ITPRID2: variants seen among roughly 807,000 people sequenced by gnomAD.
ITPRID2 encodes the protein ITPR interacting domain containing 2, also known as protein ITPRID2.
In ITPRID2, 60 loss-of-function variants were observed where a neutral mutation model predicts 124.3. The ratio of observed to expected loss-of-function variants is 0.48; its 90% CI spans 0.39 to 0.60. The LOEUF (loss-of-function observed/expected upper bound fraction) is 0.60, where lower values mean the gene tolerates loss of function less well. Among genes scored for constraint, ITPRID2 ranks in the 20% least tolerant of loss-of-function variants. The pLI is 0.00. For synonymous variants in ITPRID2, 521 were observed against 542.9 expected, an observed-to-expected ratio of 0.96 and a Z score of 0.56; for missense variants, 1,553 against 1,512.2, an observed-to-expected ratio of 1.03 and a Z score of -0.45.
intron 6 of ITPRID2, among the ~76,000 whole-genome samples, chr2:181,900,273 A>G (rs901021924): frequency 6.6e-5 from 10 of 152,206 alleles, no homozygotes; most frequent in African/African-American, 2.4e-4. Flanking sequence ...TAGGACAAGG[A>G]TAACAGAAAA....
Position 181,920,650 on chromosome 2 carries a change from T to C in ITPRID2, c.3198T>C (p.Asn1066=), listed in dbSNP as rs747815002. The change falls in exon 15 of 18, where the codon AAT becomes AAC. Residue 1066 remains asparagine (N), a synonymous_variant. Transcript: ENST00000431877. The stretch of plus-strand genomic sequence containing the variant: ...ACTTGTCATGCCCTTCTCCATTGAA[T>C]GTAATGGAACCAGTAAGCTTCTTTC... ...ADNLSCPSPL[N]VMEPVTELMQ... is the part of the protein sequence containing the mutation. 3 of 1,613,210 alleles carry C rather than the reference T, an allele frequency of 1.9e-6. No individual in the cohort carries two copies. Among genetic ancestry groups the C allele is most frequent in the East Asian group, 2.2e-5 (1 of 44,822 alleles).
At chr2:181,913,634 T>C (rs957107126) in intron 9 of ITPRID2, among the ~76,000 whole-genome samples, 8 of 151,892 alleles carry the variant, frequency 5.3e-5, no homozygotes, top group Admixed American at 4.6e-4. Context: ...TCTGATACAG[T>C]TTTTGTTTGA....
chr2:181,921,349 G>C (rs1324586766), intron 15 of ITPRID2, among the ~76,000 whole-genome samples: 6 of 151,964 alleles, frequency 3.9e-5, no homozygotes. Context: ...ATGGTGGCAG[G>C]CATCTGTAAT....
chr2:181,900,432 G>A (rs575412552), intron 6 of ITPRID2, among the ~76,000 whole-genome samples: 4 of 152,272 alleles, frequency 2.6e-5, no homozygotes, highest in African/African-American at 4.8e-5. Flanking sequence ...GAGGAATCAC[G>A]TAGGGAATCT....
rs553936249 is a variant in ITPRID2, at chr2:181,909,424, C to T, written c.1414-475C>T. On this transcript the variant is annotated intron_variant, in intron 8 of 17. Transcript: ENST00000431877. ...CTGTAGTGAGTGTATTAGTGTTTCTCCTGGGATTTACCCTACTTTGAAGTT... is the reference window on the plus strand; with the variant it reads ...CTGTAGTGAGTGTATTAGTGTTTCTTCTGGGATTTACCCTACTTTGAAGTT... 4.6e-5 allele frequency among the ~76,000 whole-genome samples: 7 copies of T among 152,230 alleles called. No individual in the cohort carries two copies. The South Asian group carries it at 1.4e-3, about 32-fold the overall frequency.
Position 181,913,193 on chromosome 2 carries a change from G to A in ITPRID2, c.1487-652G>A, listed in dbSNP as rs555926659. On this transcript the variant is annotated intron_variant, in intron 9 of 17. Transcript: ENST00000431877. The stretch of plus-strand genomic sequence containing the variant: ...CTCCATTCTCCTGCCTCAGCCTCTC[G>A]AGTAGCTGGGACTACAGGCACCCGC... Among the ~76,000 whole-genome samples the A allele has an allele frequency of 2.3e-3, 343 of 151,918 alleles. 3 individuals are homozygous for A. The highest frequency in any genetic ancestry group is 7.8e-3 in the African/African-American group (321 of 41,416).
At chr2:181,914,170 C>G (rs950864513) in intron 10 of ITPRID2, among the ~76,000 whole-genome samples, 1 of 152,096 alleles carries the variant, frequency 6.6e-6, no homozygotes, top group Non-Finnish European at 1.5e-5. Context: ...TTTGGACCAC[C>G]AGTAAACAGA....
chr2:181,916,507 A>T, intron 11 of ITPRID2, 80 bp downstream of exon 11: 2 of 1,489,000 alleles, frequency 1.3e-6, no homozygotes, highest in Non-Finnish European at 1.8e-6. Flanking sequence ...AAGCTAAGGC[A>T]CATCAAGTAT....
chr2:181,900,839 T>G lies in ITPRID2; in HGVS notation c.647T>G (p.Ile216Ser). 2 of 1,613,132 alleles carry G rather than the reference T, an allele frequency of 1.2e-6. No homozygotes were observed. The highest frequency in any genetic ancestry group is 1.1e-5 in the South Asian group (1 of 90,852). Residue 216 changes from isoleucine to serine, a missense_variant, in exon 7 of 18, where the codon ATT becomes AGT. Ile to Ser is a moderately radical substitution (Grantham distance 142, BLOSUM62 -2). Transcript: ENST00000431877. ...TCATCCTTTGCCAAAGGGATAGATA[T>G]TAAAGTATTTTTGAGTGCTCAGATG... is the stretch of plus-strand genomic sequence containing the variant. ...NSSSFAKGIDIKVFLSAQMQR... is the reference protein window; with the variant it reads ...NSSSFAKGIDSKVFLSAQMQR...
chr2:181,916,782 C>A, intron 11 of ITPRID2: 3 of 841,594 alleles, frequency 3.6e-6, no homozygotes, highest in Non-Finnish European at 4.4e-6. Flanking sequence ...TCTTAAAGTT[C>A]TTTCTCTCTT....
intron 11 of ITPRID2, chr2:181,917,872 C>T (rs1233746354): frequency 6.6e-6 from 1 of 152,226 alleles, no homozygotes; most frequent in African/African-American, 2.4e-5. Context: ...GTCTTGAACT[C>T]CTGGGCTCAA....
chr2:181,912,176 G>A (rs1291839493), intron 9 of ITPRID2, among the ~76,000 whole-genome samples: 1 of 152,212 alleles, frequency 6.6e-6, no homozygotes, highest in East Asian at 1.9e-4. Flanking sequence ...GGGTATCATT[G>A]ATTGAGGTCA....
chr2:181,921,944 C>T lies in ITPRID2; in HGVS notation c.3211-4C>T. 6.2e-7 allele frequency: 1 copy of T among 1,610,330 alleles called. No homozygotes were observed. The highest frequency in any genetic ancestry group is 8.5e-7 in the Non-Finnish European group (1 of 1,178,182). On this transcript the variant is annotated splice_polypyrimidine_tract_variant and splice_region_variant and intron_variant, in intron 15 of 17. Transcript: ENST00000431877. ...GAAGAATAACATTTTTTTATGATCT[C>T]CAGGTCACTGAACTGATGCAGGAGC...
intron 8 of ITPRID2, among the ~76,000 whole-genome samples, chr2:181,908,234 A>T (rs985290483): frequency 6.6e-6 from 1 of 152,124 alleles, no homozygotes; most frequent in Non-Finnish European, 1.5e-5. Context: ...ACCCAGTCTC[A>T]TAACCCAGTC....
chr2:181,920,358 G>C (rs1315180727), intron 14 of ITPRID2, among the ~76,000 whole-genome samples: 1 of 152,166 alleles, frequency 6.6e-6, no homozygotes, highest in East Asian at 1.9e-4. Context: ...GGGAGAACTA[G>C]AACATCCTTT....
intron 4 of ITPRID2, among the ~76,000 whole-genome samples, chr2:181,898,203 TG>T (rs1274271333): frequency 6.6e-6 from 1 of 152,062 alleles, no homozygotes; most frequent in African/African-American, 2.4e-5. Context: ...GTCATAACTT[TG>T]TAGATCAGAA....
intron 4 of ITPRID2, among the ~76,000 whole-genome samples, chr2:181,897,378 G>A (rs1291767118): frequency 6.6e-6 from 1 of 152,008 alleles, no homozygotes; most frequent in Non-Finnish European, 1.5e-5. Flanking sequence ...TTGCATTTAA[G>A]TGTCTCCTGT....
At chr2:181,909,501 A>AT (rs932189920) in intron 8 of ITPRID2, among the ~76,000 whole-genome samples, 4 of 151,922 alleles carry the variant, frequency 2.6e-5, no homozygotes, top group African/African-American at 7.2e-5. Context: ...TAATAGCAAC[A>AT]TTTTTTTTGA....
intron 11 of ITPRID2, chr2:181,917,854 T>C (rs1231586939): frequency 1.3e-5 from 2 of 152,250 alleles, no homozygotes; most frequent in African/African-American, 2.4e-5. Context: ...TAATCATGGC[T>C]CCCTGCAGTC....
Sources: gnomAD v4.1 joint callset for allele counts (sites outside exome capture counted in the v4.1 genomes callset) on GRCh38, gnomAD v4.1.1 for gene constraint, MANE v1.5 for transcripts, NCBI Gene and HGNC (gene_info 2026-07-23, HGNC 2026-07-21) for gene names.